The following DSE variants were observed in gnomAD, a reference collection of about 807,000 sequenced individuals.
DSE encodes the protein dermatan sulfate epimerase.
A neutral mutation model predicts 84.4 loss-of-function variants in DSE; 36 were observed. That is an observed-to-expected ratio of 0.43 (90% confidence interval 0.33 to 0.56). The LOEUF (loss-of-function observed/expected upper bound fraction) is 0.56, where lower values mean the gene tolerates loss of function less well. Ranked by LOEUF, DSE falls within the 20% of genes least tolerant of loss-of-function variation. The pLI, the probability that DSE is intolerant of heterozygous loss-of-function variation, is 0.06. For synonymous variants in DSE, 410 were observed against 430.1 expected (o/e 0.95, Z 0.58); for missense variants, 862 against 1,169.6 (o/e 0.74, Z 3.84).
At chr6:116,398,772 T>C (rs1314504899) in intron 1 of DSE, among the ~76,000 whole-genome samples, 1 of 152,226 alleles carries the variant, frequency 6.6e-6, no homozygotes, top group Non-Finnish European at 1.5e-5. Context: ...TAGTAAGAAA[T>C]ACAGGATTTT....
At chr6:116,298,461 G>A (rs1474402573) in intron 2 of DSE, among the ~76,000 whole-genome samples, 1 of 152,206 alleles carries the variant, frequency 6.6e-6, no homozygotes, top group African/African-American at 2.4e-5. Flanking sequence ...GCCATTGTTA[G>A]TTTTGAAGAC....
upstream of DSE, among the ~76,000 whole-genome samples, chr6:116,365,791 T>C (rs1779135180): frequency 6.6e-6 from 1 of 152,224 alleles, no homozygotes; most frequent in Admixed American, 6.5e-5. Context: ...GGGGTTAGAA[T>C]TACTATTATA....
chr6:116,375,337 G>C (rs1356946078), intron 1 of DSE, among the ~76,000 whole-genome samples: 6 of 152,102 alleles, frequency 3.9e-5, no homozygotes, highest in African/African-American at 1.2e-4. Flanking sequence ...TCATTAATTG[G>C]ATAGTATGTT....
At chr6:116,373,441 A>G (rs906875888) in intron 1 of DSE, among the ~76,000 whole-genome samples, 1 of 152,200 alleles carries the variant, frequency 6.6e-6, no homozygotes, top group African/African-American at 2.4e-5. Flanking sequence ...TCCATTCTCA[A>G]TACTGCTAGA....
chr6:116,423,217 G>A (rs1783203958), intron 2 of DSE: 1 of 152,162 alleles, frequency 6.6e-6, no homozygotes, highest in Admixed American at 6.6e-5. Context: ...GATAAAGTGT[G>A]AGTTCAAAAA....
At chr6:116,413,721 A>G (rs1782524246) in intron 2 of DSE, among the ~76,000 whole-genome samples, 1 of 152,228 alleles carries the variant, frequency 6.6e-6, no homozygotes, top group African/African-American at 2.4e-5. Context: ...AAAATTATTC[A>G]TAAAACATTA....
intron 2 of DSE, among the ~76,000 whole-genome samples, chr6:116,353,623 C>T (rs1778434392): frequency 6.6e-6 from 1 of 152,040 alleles, no homozygotes; most frequent in Non-Finnish European, 1.5e-5. Flanking sequence ...ATTGATATTC[C>T]CAGAAAACTG....
intron 1 of DSE, among the ~76,000 whole-genome samples, chr6:116,392,241 C>T (rs1780956258): frequency 6.6e-6 from 1 of 152,130 alleles, no homozygotes; most frequent in African/African-American, 2.4e-5. Context: ...CAGGGTTTTC[C>T]TAAAACTTCA....
rs190563202 is a variant in DSE, at chr6:116,286,805, T to C, written c.-54+27838T>C. Among the ~76,000 whole-genome samples the C allele has an allele frequency of 4.3e-3, 658 of 152,284 alleles. 4 individuals are homozygous for C. Among genetic ancestry groups the C allele is most frequent in the African/African-American group, 0.015 (623 of 41,562 alleles). ...CAAATACCATGGTGATGAGGTTTTC[T>C]GAAATGGTGACCCAATCTTTGTTAA... On this transcript the variant is annotated intron_variant, in intron 2 of 3. Coordinates refer to the DSE transcript ENST00000430252.
At chr6:116,404,184 T>A (rs182112142) in intron 2 of DSE, among the ~76,000 whole-genome samples, 3 of 152,330 alleles carry the variant, frequency 2.0e-5, no homozygotes, top group Admixed American at 2.0e-4. Context: ...AGCAAATTCT[T>A]AGTGATTTTC....
intron 2 of DSE, among the ~76,000 whole-genome samples, chr6:116,361,756 A>G (rs1335403951): frequency 6.6e-6 from 1 of 152,230 alleles, no homozygotes; most frequent in Non-Finnish European, 1.5e-5. Flanking sequence ...ACCATCAAAT[A>G]AATCCTTGAT....
chr6:116,383,404 G>A (rs562561075), intron 1 of DSE, among the ~76,000 whole-genome samples: 4 of 152,236 alleles, frequency 2.6e-5, no homozygotes, highest in East Asian at 3.9e-4. Flanking sequence ...GTATACAAGC[G>A]AGAGAGAAGT....
At chr6:116,332,770 G>A (rs1450257140) in intron 2 of DSE, among the ~76,000 whole-genome samples, 3 of 152,024 alleles carry the variant, frequency 2.0e-5, no homozygotes, top group Non-Finnish European at 4.4e-5. Context: ...AAGCTACATG[G>A]TAAAATATAT....
chr6:116,319,210 A>T (rs1009509356), intron 2 of DSE, among the ~76,000 whole-genome samples: 5 of 152,234 alleles, frequency 3.3e-5, no homozygotes, highest in African/African-American at 1.2e-4. Context: ...CTCACAGATT[A>T]GTTAACATAC....
intron 2 of DSE, among the ~76,000 whole-genome samples, chr6:116,363,012 G>A (rs991602158): frequency 3.9e-5 from 6 of 152,076 alleles, no homozygotes; most frequent in African/African-American, 1.4e-4. Flanking sequence ...ATTTCTTCTA[G>A]GGTCAATTTA....
chr6:116,342,539 A>G (rs1279665268), intron 2 of DSE, among the ~76,000 whole-genome samples: 3 of 152,120 alleles, frequency 2.0e-5, no homozygotes, highest in Non-Finnish European at 4.4e-5. Flanking sequence ...TCAGCCTCCC[A>G]AAGTGCTGGG....
At chr6:116,314,418 CAAACA>C (rs1775856829) in intron 2 of DSE, among the ~76,000 whole-genome samples, 1 of 152,022 alleles carries the variant, frequency 6.6e-6, no homozygotes, top group Admixed American at 6.6e-5. Context: ...TCTTGTAACC[CAAACA>C]AACATTAGTC....
At chr6:116,431,279 T>A in intron 4 of DSE, 86 bp downstream of exon 4, 2 of 1,512,372 alleles carry the variant, frequency 1.3e-6, no homozygotes, top group Non-Finnish European at 1.8e-6. Context: ...GGCAGAGAAA[T>A]TAGGTCCTTA....
At chr6:116,320,483 G>C (rs144542372) in intron 2 of DSE, among the ~76,000 whole-genome samples, 6 of 151,734 alleles carry the variant, frequency 4.0e-5, no homozygotes, top group Non-Finnish European at 8.8e-5. Context: ...ACAAAACAAA[G>C]GAGAGAACAG....
Sources: gnomAD v4.1 joint callset for allele counts (sites outside exome capture counted in the v4.1 genomes callset) on GRCh38, gnomAD v4.1.1 for gene constraint, MANE v1.5 for transcripts, NCBI Gene and HGNC (gene_info 2026-07-23, HGNC 2026-07-21) for gene names.